The following ME3 variants were observed in gnomAD, a reference collection of about 807,000 sequenced individuals.
The protein encoded by ME3 is malic enzyme 3.
Under a neutral mutation model 68.9 loss-of-function variants are expected in ME3, and 48 were observed. That is an observed-to-expected ratio of 0.70 (90% CI 0.55 to 0.89). ME3 has a LOEUF of 0.89. Ranked by LOEUF, ME3 falls within the 40% of genes least tolerant of loss-of-function variation. The probability of loss-of-function intolerance (pLI) is 0.00; values close to 1 mark genes in which losing one functional copy is unlikely to be tolerated. For synonymous variants in ME3, 320 were observed against 318.8 expected, an observed-to-expected ratio of 1.00 and a Z score of -0.04; for missense variants, 675 against 797.4, an observed-to-expected ratio of 0.85 and a Z score of 1.85.
intron 2 of ME3, among the ~76,000 whole-genome samples, chr11:86,604,497 C>T (rs1488799150): frequency 6.6e-6 from 1 of 152,114 alleles, no homozygotes; most frequent in Non-Finnish European, 1.5e-5. Flanking sequence ...TTGCTCCCTA[C>T]ATGTTATAAC....
rs369901364 is a variant in ME3, at chr11:86,497,213, G to A, written c.705+750C>T. Among the ~76,000 whole-genome samples the A allele has an allele frequency of 3.7e-3, 561 of 152,228 alleles. 3 individuals are homozygous for A. Among genetic ancestry groups the A allele is most frequent in the African/African-American group, 0.012 (516 of 41,546 alleles). On this transcript the variant is annotated intron_variant, in intron 6 of 14. Transcript: ENST00000543262. ...TGGTCAGGCTGGTCTCAAACTCCTG[G>A]CCTCAGGTGATCCCGCCCCGATCAG...
At chr11:86,493,623 T>C (rs1382216924) in intron 6 of ME3, among the ~76,000 whole-genome samples, 1 of 152,240 alleles carries the variant, frequency 6.6e-6, no homozygotes, top group Admixed American at 6.5e-5. Flanking sequence ...GTAGCCATGA[T>C]GGAAGGCTGA....
At chr11:86,453,849 C>G (rs1428082109) in intron 8 of ME3, among the ~76,000 whole-genome samples, 6 of 152,236 alleles carry the variant, frequency 3.9e-5, no homozygotes, top group African/African-American at 7.2e-5. Context: ...ATAGCTGCCA[C>G]TCAGTGACAC....
At chr11:86,671,666 G>T (rs754509955) in intron 2 of ME3, 96 bp downstream of exon 2, 20 of 1,477,700 alleles carry the variant, frequency 1.4e-5, no homozygotes, top group Non-Finnish European at 1.8e-5. Flanking sequence ...CTGGAAGGGC[G>T]CCCGGGAGGA....
In ME3 at chr11:86,618,382, C is replaced by T. The variant is rs1165449958; in HGVS notation, c.183+53380G>A. On this transcript the variant is annotated intron_variant, in intron 2 of 14. Coordinates refer to ENST00000543262, the Ensembl canonical transcript of ME3. The stretch of plus-strand genomic sequence containing the variant: ...TCACCTAGCTTCAGTTTTCTTACTC[C>T]AAAAATTGTGGTAATATTCACATCA... Among the ~76,000 whole-genome samples, 4 of 146,130 alleles carry T rather than the reference C, an allele frequency of 2.7e-5. No homozygotes were observed. In the Admixed American group the frequency reaches 2.8e-4, roughly 10 times the overall value.
intron 4 of ME3, among the ~76,000 whole-genome samples, chr11:86,530,776 T>C (rs1594320322): frequency 6.6e-6 from 1 of 152,160 alleles, no homozygotes; most frequent in South Asian, 2.1e-4. Context: ...TAAATGGTGC[T>C]GGGAAAACTG....
At chr11:86,475,896 G>GAGAGAA (rs1951055021) in intron 7 of ME3, among the ~76,000 whole-genome samples, 1 of 148,682 alleles carries the variant, frequency 6.7e-6, no homozygotes, top group Non-Finnish European at 1.5e-5. Context: ...GAGAGAGAGA[G>GAGAGAA]AGAGAAAGAG....
chr11:86,471,342 G>T (rs1265412677), intron 7 of ME3, among the ~76,000 whole-genome samples: 1 of 151,800 alleles, frequency 6.6e-6, no homozygotes, highest in African/African-American at 2.4e-5. Flanking sequence ...CACCATGTTG[G>T]CCAGGATGGT....
intron 2 of ME3, among the ~76,000 whole-genome samples, chr11:86,665,622 T>A (rs1276223138): frequency 6.6e-6 from 1 of 151,540 alleles, no homozygotes; most frequent in Non-Finnish European, 1.5e-5. Flanking sequence ...AACTTAGTTT[T>A]AAAAAAAAAT....
At chr11:86,655,127 G>T (rs1376785340) in intron 2 of ME3, among the ~76,000 whole-genome samples, 2 of 152,244 alleles carry the variant, frequency 1.3e-5, no homozygotes, top group African/African-American at 4.8e-5. Flanking sequence ...AAGATTCTAT[G>T]CTCATGGGCA....
Position 86,669,727 on chromosome 11 carries a change from C to T in ME3, c.183+2035G>A, listed in dbSNP as rs117516065. Among the ~76,000 whole-genome samples, 24 of 152,140 alleles carry T rather than the reference C, an allele frequency of 1.6e-4. No individual in the cohort carries two copies. The East Asian group carries it at 4.5e-3, about 28-fold the overall frequency. ...GGACACAGCCAAACCATATCAACAACTTATTTATAGTACTTGGGAGAAAAA... is the reference window on the plus strand; with the variant it reads ...GGACACAGCCAAACCATATCAACAATTTATTTATAGTACTTGGGAGAAAAA... On this transcript the variant is annotated intron_variant, in intron 2 of 14. Coordinates refer to ENST00000543262, the Ensembl canonical transcript of ME3.
chr11:86,571,776 G>A (rs1188940550), intron 2 of ME3, among the ~76,000 whole-genome samples: 1 of 152,226 alleles, frequency 6.6e-6, no homozygotes, highest in Non-Finnish European at 1.5e-5. Context: ...GTTTTGTGGA[G>A]TAAGCTGGGG....
At chr11:86,470,306 A>G (rs1950714605) in intron 7 of ME3, among the ~76,000 whole-genome samples, 1 of 151,866 alleles carries the variant, frequency 6.6e-6, no homozygotes, top group East Asian at 1.9e-4. Flanking sequence ...CTCCCCCCAG[A>G]AAAAAACCCA....
At chr11:86,655,432 G>T (rs1310112295) in intron 2 of ME3, among the ~76,000 whole-genome samples, 1 of 152,132 alleles carries the variant, frequency 6.6e-6, no homozygotes, top group African/African-American at 2.4e-5. Flanking sequence ...AGAGCCCTCA[G>T]AAATAACGCC....
Position 86,498,521 on chromosome 11 carries a change from G to A in ME3, c.544-397C>T, listed in dbSNP as rs139153730. 3.6e-3 allele frequency among the ~76,000 whole-genome samples: 553 copies of A among 152,324 alleles called. 3 individuals carry two copies. The highest frequency in any genetic ancestry group is 0.012 in the African/African-American group (519 of 41,560). On this transcript the variant is annotated intron_variant, in intron 5 of 14. Transcript: ENST00000543262. The stretch of plus-strand genomic sequence containing the variant: ...AGGAGAAAATAAAAAATACGTGTTC[G>A]TGCTGCTGCTACAGCTCCAGGGTTT...
chr11:86,629,487 C>G (rs1943879109), intron 2 of ME3, among the ~76,000 whole-genome samples: 1 of 152,210 alleles, frequency 6.6e-6, no homozygotes, highest in Admixed American at 6.5e-5. Context: ...CACATTTCCT[C>G]CCACCAGGAA....
intron 2 of ME3, among the ~76,000 whole-genome samples, chr11:86,619,801 T>A (rs1943230839): frequency 6.6e-6 from 1 of 152,248 alleles, no homozygotes; most frequent in Admixed American, 6.5e-5. Context: ...GTCAACATGA[T>A]ACCTTTTAGA....
intron 13 of ME3, among the ~76,000 whole-genome samples, chr11:86,443,215 A>G (rs1367550750): frequency 6.6e-6 from 1 of 152,154 alleles, no homozygotes; most frequent in Non-Finnish European, 1.5e-5. Flanking sequence ...AGGCTATGAG[A>G]TCTCCTCTTG....
chr11:86,644,735 C>T (rs988456343), intron 2 of ME3, among the ~76,000 whole-genome samples: 4 of 152,158 alleles, frequency 2.6e-5, no homozygotes, highest in South Asian at 4.1e-4. Flanking sequence ...TTATTTATTC[C>T]GTACCACCAA....
Sources: allele counts gnomAD v4.1 joint callset (sites outside exome capture counted in the v4.1 genomes callset), GRCh38; gene constraint gnomAD v4.1.1; transcripts MANE v1.5; gene names NCBI Gene and HGNC (gene_info 2026-07-23, HGNC 2026-07-21).